Variants in PLPBP observed in about 807,000 individuals in gnomAD.
The protein encoded by PLPBP is pyridoxal phosphate homeostasis protein.
Under a neutral mutation model 31.2 loss-of-function variants are expected in PLPBP, and 21 were observed. The ratio of observed to expected loss-of-function variants is 0.67; its 90% CI spans 0.48 to 0.97. The LOEUF is 0.97. PLPBP is among the 50% of genes least tolerant of loss of function. PLPBP has a pLI of 0.00. For synonymous variants in PLPBP, 124 were observed against 135.6 expected (o/e 0.91, Z 0.59); for missense variants, 308 against 354.4 (o/e 0.87, Z 1.05).
At chr8:37,776,248 C>T (rs528521407) in intron 7 of PLPBP, among the ~76,000 whole-genome samples, 2 of 152,126 alleles carry the variant, frequency 1.3e-5, no homozygotes, top group South Asian at 2.1e-4. Flanking sequence ...GAGGCCGAGC[C>T]GGGCAGATCA....
chr8:37,775,874 T>A, intron 6 of PLPBP, 44 bp from the exon 7 acceptor site: 1 of 1,518,248 alleles, frequency 6.6e-7, no homozygotes, highest in South Asian at 1.1e-5. Flanking sequence ...TTGGGCATCG[T>A]TAGAGAAGGC....
In PLPBP at chr8:37,775,924, T is replaced by G. The variant is rs372681891; in HGVS notation, c.604T>G (p.Leu202Val). ...QGPNPDFQLL[L>V]SLREELCKKL... ...TGTCATCTCTTTCTGTCAGCTGTTA[T>G]TGTCCCTCCGGGAGGAGCTGTGTAA... Residue 202 changes from leucine to valine, a missense_variant, in exon 7 of 8, where the codon TTG becomes GTG. By Grantham distance (32) the Leu-to-Val change is conservative. Coordinates refer to ENST00000328195, the MANE Select transcript of PLPBP (RefSeq NM_007198.4). 650 of 1,612,984 alleles carry G rather than the reference T, an allele frequency of 4.0e-4. 5 individuals carry two copies. In the South Asian group the frequency reaches 6.7e-3, roughly 17 times the overall value.
intron 1 of PLPBP, among the ~76,000 whole-genome samples, chr8:37,763,047 G>A (rs1337503555): frequency 6.6e-6 from 1 of 152,172 alleles, no homozygotes; most frequent in Non-Finnish European, 1.5e-5. Flanking sequence ...TTTCGGGGTC[G>A]ATAGCCTTGG....
chr8:37,768,401 T>G (rs1803688687), intron 4 of PLPBP, among the ~76,000 whole-genome samples: 1 of 150,410 alleles, frequency 6.6e-6, no homozygotes, highest in Non-Finnish European at 1.5e-5. Flanking sequence ...AGCTTATAAG[T>G]CAACAAAGGA....
At chr8:37,768,638 A>G (rs1803698539) in intron 4 of PLPBP, among the ~76,000 whole-genome samples, 2 of 151,486 alleles carry the variant, frequency 1.3e-5, no homozygotes, top group South Asian at 4.2e-4. Flanking sequence ...ACGCCCAGCT[A>G]ATGTTTTTGT....
chr8:37,762,699 G>T lies in PLPBP; in HGVS notation c.40G>T (p.Gly14Trp), dbSNP rs780857882. The change falls in exon 1 of 8, where the codon GGG becomes TGG. Residue 14 changes from glycine (G) to tryptophan (W), a missense_variant. This residue lies in a region of PLPBP where 120 missense variants were observed against 95.1 expected (regional missense o/e 1.26). Transcript: ENST00000328195. ...CAGCATGTCGGCCGAGCTGGGAGTC[G>T]GGTGCGCATTGCGGGCGGTGAACGA... The part of the protein sequence containing the change: ...AGSMSAELGV[G>W]CALRAVNERV... 6.3e-7 allele frequency: 1 copy of T among 1,591,282 alleles called. No homozygotes were observed. The highest frequency in any genetic ancestry group is 1.3e-5 in the African/African-American group (1 of 74,878).
chr8:37,773,340 G>A (rs750303907), intron 5 of PLPBP, among the ~76,000 whole-genome samples: 9 of 151,104 alleles, frequency 6.0e-5, no homozygotes, highest in Non-Finnish European at 1.3e-4. Context: ...GCTAATTTTT[G>A]TATTTGTAAT....
rs1373975812 is a variant in PLPBP at position 37,778,838 on chromosome 8, GTGGAAGAA to G, written c.*744_*751del. ...AAATTAACTGGGCATGGTGGCTGAG[GTGGAAGAA>G]TGGAAGAATCACTTGAGCCCAGGAG... On this transcript the variant is annotated 3_prime_UTR_variant, in exon 8 of 8. Coordinates refer to ENST00000328195, the MANE Select transcript of PLPBP (RefSeq NM_007198.4). The G allele has an allele frequency of 6.6e-6, 1 of 151,932 alleles. No homozygotes were observed. Among genetic ancestry groups the G allele is most frequent in the African/African-American group, 2.4e-5 (1 of 41,334 alleles). The allele number at this position is 151,932 out of a possible 1,614,324, so 9.4% of individuals were successfully genotyped here.
intron 4 of PLPBP, among the ~76,000 whole-genome samples, chr8:37,768,441 G>T (rs570799695): frequency 8.1e-5 from 12 of 147,558 alleles, no homozygotes; most frequent in African/African-American, 2.3e-4. Context: ...ATGTGAAATG[G>T]TATCTCCTTA....
chr8:37,775,403 T>C lies in PLPBP; in HGVS notation c.519T>C (p.Pro173=), dbSNP rs1403459298. ...AIVEHINAKC[P]NLEFVGLMTI... Reference sequence around the variant, plus strand: ...TGGAGCACATAAACGCCAAGTGTCCTAACCTGGAGTTTGTGGGGCTGATGA... The same window carrying C: ...TGGAGCACATAAACGCCAAGTGTCCCAACCTGGAGTTTGTGGGGCTGATGA... Residue 173 remains proline, a synonymous_variant, in exon 6 of 8, where the codon CCT becomes CCC. Transcript: ENST00000328195. The C allele has an allele frequency of 6.2e-7, 1 of 1,614,110 alleles. No individual in the cohort carries two copies. Among genetic ancestry groups the C allele is most frequent in the Admixed American group, 1.7e-5 (1 of 60,002 alleles).
At chr8:37,776,175 T>A (rs573380483) in intron 7 of PLPBP, among the ~76,000 whole-genome samples, 159 bp downstream of exon 7, 1 of 152,280 alleles carries the variant, frequency 6.6e-6, no homozygotes, top group South Asian at 2.1e-4. Context: ...CCATTCCCCA[T>A]GCCCTTTCTT....
intron 5 of PLPBP, among the ~76,000 whole-genome samples, chr8:37,773,695 TTGACCTCAGG>T (rs1803834687): frequency 6.7e-6 from 1 of 150,288 alleles, no homozygotes; most frequent in South Asian, 2.1e-4. Context: ...TCTTGAACTC[TTGACCTCAGG>T]TGATCCACCC....
At chr8:37,774,189 C>T (rs1803845350) in intron 5 of PLPBP, among the ~76,000 whole-genome samples, 1 of 151,790 alleles carries the variant, frequency 6.6e-6, no homozygotes, top group African/African-American at 2.4e-5. Flanking sequence ...CCAGCCTGGG[C>T]GACAGAGTTA....
intron 5 of PLPBP, chr8:37,775,077 C>G (rs73590998): frequency 5.7e-4 from 171 of 301,552 alleles, no homozygotes; most frequent in African/African-American, 3.2e-3. Context: ...TCCATGTCTC[C>G]TAGCTGTTTT....
chr8:37,776,198 C>T (rs1037288220), intron 7 of PLPBP, among the ~76,000 whole-genome samples, 182 bp downstream of exon 7: 62 of 152,132 alleles, frequency 4.1e-4, no homozygotes, highest in Admixed American at 3.3e-4. Flanking sequence ...TTGAAAAGAG[C>T]CAGGTGCGGT....
chr8:37,766,781 C>A, intron 4 of PLPBP: 1 of 474,580 alleles, frequency 2.1e-6, no homozygotes, highest in Non-Finnish European at 2.8e-6. Context: ...CGGTGGCTGA[C>A]ACCTATAATC....
intron 6 of PLPBP, among the ~76,000 whole-genome samples, chr8:37,775,696 CAT>C (rs1417610164): frequency 3.3e-5 from 5 of 152,310 alleles, no homozygotes; most frequent in South Asian, 4.1e-4. Context: ...TTGGCTAAAA[CAT>C]AGTCTTTAGA....
chr8:37,762,822 G>C, intron 1 of PLPBP, 64 bp downstream of exon 1: 1 of 1,513,346 alleles, frequency 6.6e-7, no homozygotes, highest in South Asian at 1.2e-5. Context: ...ACCTGCGTGG[G>C]AATGGGTCGT....
Position 37,775,984 on chromosome 8 carries a change from A to G in PLPBP, c.664A>G (p.Ser222Gly). 3 of 1,613,942 alleles carry G rather than the reference A, an allele frequency of 1.9e-6. No homozygotes were observed. The highest frequency in any genetic ancestry group is 2.5e-6 in the Non-Finnish European group (3 of 1,179,950). ...LNIPADQVEL[S>G]MGMSADFQHA... ...CATCCCTGCTGACCAGGTTGAGCTG[A>G]GCATGGGCATGTCCGCGGATTTCCA... is the stretch of plus-strand genomic sequence containing the variant. The change falls in exon 7 of 8, where the codon AGC becomes GGC. Residue 222 changes from serine (S) to glycine (G), a missense_variant. This residue lies in a region of PLPBP where 188 missense variants were observed against 259.3 expected (regional missense o/e 0.73). Transcript: ENST00000328195.
Sources: allele counts gnomAD v4.1 joint callset (sites outside exome capture counted in the v4.1 genomes callset), GRCh38; gene constraint gnomAD v4.1.1; regional missense constraint gnomAD v4.1.1; transcripts MANE v1.5; gene names NCBI Gene and HGNC (gene_info 2026-07-23, HGNC 2026-07-21).